TTC17: variants seen among roughly 807,000 people sequenced by gnomAD.
The protein encoded by TTC17 is tetratricopeptide repeat protein 17.
In TTC17, 58 loss-of-function variants were observed where a neutral mutation model predicts 143.8. The observed-to-expected ratio is 0.40, with a 90% CI of 0.33 to 0.50. TTC17 has a LOEUF of 0.50. Ranked by LOEUF, TTC17 falls within the 20% of genes least tolerant of loss-of-function variation. TTC17 has a pLI of 0.49. For missense variants in TTC17, 1,273 were observed against 1,392.5 expected, an observed-to-expected ratio of 0.91 and a Z score of 1.37; for synonymous variants, 501 against 497.8, an observed-to-expected ratio of 1.01 and a Z score of -0.09.
rs1948485265 is a variant in TTC17 at position 43,492,151 on chromosome 11, C to T, written c.3282C>T (p.Val1094=). The T allele has an allele frequency of 1.9e-6, 3 of 1,614,028 alleles. No individual in the cohort carries two copies. The highest frequency in any genetic ancestry group is 2.5e-6 in the Non-Finnish European group (3 of 1,179,944). ...FAVNHFTLGN[V]YVAMEEFEKA... is the part of the protein sequence containing the mutation. ...TGAACCACTTCACTCTGGGCAATGTCTACGTGGCAATGGTGAGATGGGGGT... is the reference window on the plus strand; with the variant it reads ...TGAACCACTTCACTCTGGGCAATGTTTACGTGGCAATGGTGAGATGGGGGT... The change falls in exon 23 of 24, where the codon GTC becomes GTT. Residue 1094 remains valine, a synonymous_variant. Transcript: ENST00000039989.
intron 1 of TTC17, among the ~76,000 whole-genome samples, chr11:43,365,069 G>A (rs1856277585): frequency 6.6e-6 from 1 of 151,616 alleles, no homozygotes; most frequent in Non-Finnish European, 1.5e-5. Context: ...CCAAAGTGCT[G>A]GGATTACAGG....
At chr11:43,432,240 A>G (rs940304864) in intron 16 of TTC17, among the ~76,000 whole-genome samples, 3 of 152,040 alleles carry the variant, frequency 2.0e-5, no homozygotes, top group Admixed American at 6.6e-5. Context: ...TGACAAGTAT[A>G]TTAAATATGT....
chr11:43,420,194 G>A (rs1313350257), intron 16 of TTC17, among the ~76,000 whole-genome samples: 3 of 152,156 alleles, frequency 2.0e-5, no homozygotes, highest in Non-Finnish European at 4.4e-5. Flanking sequence ...AGTCTTTGGC[G>A]GAGCTGAAAC....
chr11:43,456,828 G>GT (rs912458445), intron 21 of TTC17, among the ~76,000 whole-genome samples: 3 of 151,968 alleles, frequency 2.0e-5, no homozygotes, highest in Non-Finnish European at 2.9e-5. Context: ...CACATGACCA[G>GT]TTTTTTTTCC....
intron 21 of TTC17, among the ~76,000 whole-genome samples, chr11:43,459,427 C>A (rs1022645560): frequency 2.0e-5 from 3 of 152,166 alleles, no homozygotes. Context: ...GCTTTCTCAG[C>A]CTGCTTCTAG....
At chr11:43,428,346 A>G (rs925748212) in intron 16 of TTC17, among the ~76,000 whole-genome samples, 3 of 152,232 alleles carry the variant, frequency 2.0e-5, no homozygotes, top group African/African-American at 7.2e-5. Flanking sequence ...CTTTTTCAAT[A>G]TAATTTCTGC....
intron 16 of TTC17, among the ~76,000 whole-genome samples, chr11:43,424,811 T>C (rs917787803): frequency 4.6e-5 from 7 of 152,154 alleles, no homozygotes; most frequent in Non-Finnish European, 8.8e-5. Flanking sequence ...AATAAAATAG[T>C]AGAAAACCTT....
chr11:43,383,519 ATT>A (rs779691168), intron 2 of TTC17, among the ~76,000 whole-genome samples: 13 of 138,550 alleles, frequency 9.4e-5, no homozygotes, highest in Non-Finnish European at 1.1e-4. Context: ...CGCCTGGCTA[ATT>A]TTTTTTTTTT....
At chr11:43,475,325 G>A (rs768818819) in intron 21 of TTC17, among the ~76,000 whole-genome samples, 2 of 152,068 alleles carry the variant, frequency 1.3e-5, no homozygotes, top group African/African-American at 2.4e-5. Context: ...TTCAAGAGGT[G>A]ACTTGGGTGC....
chr11:43,463,060 C>T (rs1033385912), intron 21 of TTC17, among the ~76,000 whole-genome samples: 5 of 151,838 alleles, frequency 3.3e-5, no homozygotes, highest in African/African-American at 9.7e-5. Flanking sequence ...GGACTACAGG[C>T]GTGCGCCACC....
intron 20 of TTC17, 142 bp from the exon 21 acceptor site, chr11:43,451,040 A>G: frequency 1.5e-6 from 1 of 667,760 alleles, no homozygotes; most frequent in Non-Finnish European, 2.4e-6. Context: ...TCTTCCATAG[A>G]TTACCTTACC....
At chr11:43,444,427 A>G in intron 18 of TTC17, 1 of 365,978 alleles carries the variant, frequency 2.7e-6, no homozygotes, top group East Asian at 4.4e-5. Flanking sequence ...ATTATGTGTA[A>G]TAAATCATAA....
chr11:43,370,587 TA>T (rs2134451359), intron 1 of TTC17, among the ~76,000 whole-genome samples: 2 of 151,482 alleles, frequency 1.3e-5, no homozygotes, highest in South Asian at 2.1e-4. Flanking sequence ...CGTAGTGTTC[TA>T]AAGTTTCAGT....
chr11:43,439,089 C>T (rs1314673820), intron 16 of TTC17, among the ~76,000 whole-genome samples: 4 of 152,198 alleles, frequency 2.6e-5, no homozygotes, highest in African/African-American at 9.6e-5. Context: ...ACCTTCCTTT[C>T]CTATGTCTTT....
At chr11:43,368,201 C>CAT (rs1241592301) in intron 1 of TTC17, among the ~76,000 whole-genome samples, 2 of 152,086 alleles carry the variant, frequency 1.3e-5, no homozygotes, top group Non-Finnish European at 2.9e-5. Context: ...TCCCTCTGTA[C>CAT]ATATGTTCAC....
chr11:43,441,419 T>A (rs773004069), intron 16 of TTC17, among the ~76,000 whole-genome samples: 2 of 152,178 alleles, frequency 1.3e-5, no homozygotes, highest in Admixed American at 6.5e-5. Context: ...AAAAAAAAAT[T>A]AATTTTTCTC....
intron 21 of TTC17, among the ~76,000 whole-genome samples, chr11:43,464,249 C>A: frequency 6.7e-6 from 1 of 149,584 alleles, no homozygotes. Flanking sequence ...TGCTGCACTC[C>A]AGCTTGGGCG....
chr11:43,365,331 T>C (rs1783705717), intron 1 of TTC17, among the ~76,000 whole-genome samples: 1 of 152,120 alleles, frequency 6.6e-6, no homozygotes, highest in African/African-American at 2.4e-5. Context: ...TTCAGTGGCA[T>C]GATTATGGCT....
chr11:43,469,674 C>A (rs966803603), intron 21 of TTC17, among the ~76,000 whole-genome samples: 3 of 152,126 alleles, frequency 2.0e-5, no homozygotes. Context: ...GAAATCAGAT[C>A]AGTGATTACT....
Sources: allele counts gnomAD v4.1 joint callset (sites outside exome capture counted in the v4.1 genomes callset), GRCh38; gene constraint gnomAD v4.1.1; transcripts MANE v1.5; gene names NCBI Gene and HGNC (gene_info 2026-07-23, HGNC 2026-07-21).